Variants in PLCG2 observed in about 807,000 individuals in gnomAD.
The protein encoded by PLCG2 is phospholipase C gamma 2.
PLCG2 carries 69 observed loss-of-function variants against 175.6 expected under a neutral mutation model. The ratio of observed to expected loss-of-function variants is 0.39; its 90% confidence interval spans 0.32 to 0.48. The LOEUF is 0.48. Among genes scored for constraint, PLCG2 ranks in the 20% least tolerant of loss-of-function variants. The pLI is 0.91. For missense variants in PLCG2, 1,798 were observed against 1,650.9 expected (o/e 1.09, Z -1.54); for synonymous variants, 827 against 624.0 (o/e 1.33, Z -4.85).
chr16:81,920,148 T>C (rs1242724276), intron 20 of PLCG2, among the ~76,000 whole-genome samples: 1 of 152,058 alleles, frequency 6.6e-6, no homozygotes, highest in Admixed American at 6.6e-5. Context: ...TAAATAAGGA[T>C]GAGGGTTCAC....
intron 2 of PLCG2, among the ~76,000 whole-genome samples, chr16:81,759,709 C>T (rs1489513517): frequency 6.6e-6 from 1 of 152,254 alleles, no homozygotes; most frequent in Non-Finnish European, 1.5e-5. Context: ...TAGCTTATAG[C>T]TTGTATATAT....
At chr16:81,803,633 T>TTCCCTCCGTCCC (rs1911853761) in intron 2 of PLCG2, among the ~76,000 whole-genome samples, 2 of 88,572 alleles carry the variant, frequency 2.3e-5, no homozygotes, top group South Asian at 1.3e-3. Flanking sequence ...TCTTTTCTTC[T>TTCCCTCCGTCCC]TCCCTCCCTC....
At chr16:81,774,017 C>G (rs953353233) in intron 2 of PLCG2, among the ~76,000 whole-genome samples, 7 of 151,856 alleles carry the variant, frequency 4.6e-5, no homozygotes, top group Admixed American at 2.6e-4. Flanking sequence ...TCCACCAGGA[C>G]TCCAGGTTAG....
At chr16:81,901,474 G>A (rs553207908) in intron 14 of PLCG2, among the ~76,000 whole-genome samples, 5 of 152,276 alleles carry the variant, frequency 3.3e-5, no homozygotes, top group East Asian at 3.9e-4. Context: ...TCAGGGACCC[G>A]GGGCCCCCGC....
intron 7 of PLCG2, among the ~76,000 whole-genome samples, chr16:81,877,462 C>G (rs568563519): frequency 3.9e-4 from 59 of 152,188 alleles, no homozygotes; most frequent in Non-Finnish European, 7.8e-4. Flanking sequence ...CTCAAACAAA[C>G]AAAACAACAA....
chr16:81,801,247 T>C (rs895019669), intron 2 of PLCG2, among the ~76,000 whole-genome samples: 2 of 152,186 alleles, frequency 1.3e-5, no homozygotes, highest in Non-Finnish European at 2.9e-5. Flanking sequence ...TTTTAAGAAA[T>C]AAAATATAGT....
intron 31 of PLCG2, among the ~76,000 whole-genome samples, chr16:81,947,908 C>CTTATGATTTTTTGTATA (rs1329862858): frequency 6.6e-6 from 1 of 152,074 alleles, no homozygotes; most frequent in African/African-American, 2.4e-5. Context: ...TTTCCATTGC[C>CTTATGATTTTTTGTATA]TTATGATTTT....
intron 2 of PLCG2, among the ~76,000 whole-genome samples, chr16:81,806,475 A>G (rs1174610451): frequency 6.6e-6 from 1 of 151,952 alleles, no homozygotes; most frequent in African/African-American, 2.4e-5. Flanking sequence ...ACTTCTGCAG[A>G]TTACTGGGTA....
chr16:81,765,308 G>A (rs1228965753), intron 2 of PLCG2, among the ~76,000 whole-genome samples: 1 of 152,262 alleles, frequency 6.6e-6, no homozygotes, highest in Non-Finnish European at 1.5e-5. Flanking sequence ...AGAGGCATGG[G>A]ACAATCTCCC....
intron 31 of PLCG2, among the ~76,000 whole-genome samples, chr16:81,949,434 C>A (rs1217636789): frequency 6.6e-6 from 1 of 152,274 alleles, no homozygotes; most frequent in South Asian, 2.1e-4. Context: ...TCAGACTTGT[C>A]CTCTTTGGTG....
rs1452329539 is a variant in PLCG2 at position 81,947,300 on chromosome 16, G to A, written c.3570+1037G>A. Among the ~76,000 whole-genome samples the A allele has an allele frequency of 3.9e-5, 6 of 152,244 alleles. No individual in the cohort carries two copies. The South Asian group carries it at 6.2e-4, about 16-fold the overall frequency. On this transcript the variant is annotated intron_variant, in intron 31 of 32. Coordinates refer to ENST00000564138, the MANE Select transcript of PLCG2 (RefSeq NM_002661.5). ...TGTGTGGGGTTCTAAATGGAAAGTC[G>A]ACGCTCACAAATCTGCTTTCTGAAA...
chr16:81,932,995 A>C (rs1910566960), intron 25 of PLCG2, among the ~76,000 whole-genome samples: 1 of 152,198 alleles, frequency 6.6e-6, no homozygotes, highest in South Asian at 2.1e-4. Context: ...AAAATCTCCA[A>C]ATAGTGCACT....
At chr16:81,898,913 A>G (rs951735097) in intron 13 of PLCG2, among the ~76,000 whole-genome samples, 1 of 152,188 alleles carries the variant, frequency 6.6e-6, no homozygotes, top group Non-Finnish European at 1.5e-5. Flanking sequence ...GGCTGGGCAC[A>G]GTGGCTCACG....
intron 6 of PLCG2, among the ~76,000 whole-genome samples, chr16:81,869,689 T>A (rs1907420208): frequency 6.6e-6 from 1 of 152,222 alleles, no homozygotes; most frequent in Non-Finnish European, 1.5e-5. Context: ...CGTGGCATTT[T>A]GTATGCAAGT....
intron 2 of PLCG2, among the ~76,000 whole-genome samples, chr16:81,816,651 ATTTTTTTTT>A (rs71146047): frequency 0.14 from 15,514 of 108,704 alleles, 1,836 homozygotes; most frequent in Middle Eastern, 0.2. Context: ...GCTAATTTTA[ATTTTTTTTT>A]TTTTTTTTTT....
At chr16:81,942,063 C>T (rs1025851318) in intron 30 of PLCG2, among the ~76,000 whole-genome samples, 2 of 152,158 alleles carry the variant, frequency 1.3e-5, no homozygotes, top group Non-Finnish European at 2.9e-5. Flanking sequence ...CCTTTACGTT[C>T]CTAGCCTTGA....
rs1230454548 is a variant in PLCG2 at position 81,843,204 on chromosome 16, GC to G, written c.194-11237del. On this transcript the variant is annotated intron_variant, in intron 2 of 32. Coordinates refer to ENST00000564138, the MANE Select transcript of PLCG2 (RefSeq NM_002661.5). ...TAAAGTGTTGTTTCAGTCACTATGA[GC>G]CCTTGGCAAAAATTTGAACCCATGC... 4.6e-5 allele frequency among the ~76,000 whole-genome samples: 7 copies of G among 152,106 alleles called. No individual in the cohort carries two copies. The East Asian group carries it at 1.3e-3, about 29-fold the overall frequency.
chr16:81,899,990 C>A (rs1010337044), intron 13 of PLCG2, among the ~76,000 whole-genome samples: 1 of 152,086 alleles, frequency 6.6e-6, no homozygotes, highest in Non-Finnish European at 1.5e-5. Flanking sequence ...ACTTTATGAA[C>A]CATAACCCCA....
At chr16:81,934,626 T>A in intron 26 of PLCG2, 95 bp downstream of exon 26, 1 of 795,168 alleles carries the variant, frequency 1.3e-6, no homozygotes, top group Non-Finnish European at 2.1e-6. Context: ...GAGTGCATTC[T>A]CTCATTCTTA....
Sources: allele counts gnomAD v4.1 joint callset (sites outside exome capture counted in the v4.1 genomes callset), GRCh38; gene constraint gnomAD v4.1.1; transcripts MANE v1.5; gene names NCBI Gene and HGNC (gene_info 2026-07-23, HGNC 2026-07-21).